C12orf42: variants seen among roughly 807,000 people sequenced by gnomAD.
C12orf42 encodes the protein uncharacterized protein C12orf42.
C12orf42 carries 25 observed loss-of-function variants against 21.6 expected under a neutral mutation model. That is an observed-to-expected ratio of 1.16 (90% CI 0.84 to 1.62). C12orf42 has a LOEUF of 1.62. C12orf42 is among the 40% of genes most tolerant of loss of function. C12orf42 has a pLI of 0.00. For missense variants in C12orf42, 483 were observed against 459.3 expected (o/e 1.05, Z -0.47); for synonymous variants, 174 against 175.0 (o/e 0.99, Z 0.05).
intron 10 of C12orf42, among the ~76,000 whole-genome samples, chr12:103,255,828 G>T (rs1194220300): frequency 6.6e-6 from 1 of 150,630 alleles, no homozygotes. Flanking sequence ...GAGGCGGGTG[G>T]ATCACGAGGT....
chr12:103,294,617 A>G (rs536944194), intron 4 of C12orf42, among the ~76,000 whole-genome samples: 8 of 145,546 alleles, frequency 5.5e-5, no homozygotes, highest in Non-Finnish European at 5.9e-5. Flanking sequence ...AGAAAGAAAG[A>G]AAGAAAGAAA....
At chr12:103,453,267 GTTATAT>G (rs1458818014) in intron 2 of C12orf42, among the ~76,000 whole-genome samples, 6 of 151,630 alleles carry the variant, frequency 4.0e-5, no homozygotes, top group Admixed American at 2.6e-4. Context: ...TTTATATAAA[GTTATAT>G]TTATATAAGA....
At chr12:103,185,991 G>T in the C12orf42 span, among the ~76,000 whole-genome samples, 1 of 152,198 alleles carries the variant, frequency 6.6e-6, no homozygotes, top group African/African-American at 2.4e-5. Context: ...CCTTCTATTT[G>T]GCCATCCTCA....
chr12:103,162,558 C>T, the C12orf42 span, among the ~76,000 whole-genome samples: 1 of 151,696 alleles, frequency 6.6e-6, no homozygotes, highest in Non-Finnish European at 1.5e-5. Context: ...TGTGTAACCA[C>T]ACATCTGTAC....
chr12:103,254,015 A>G (rs1443281548), intron 10 of C12orf42, among the ~76,000 whole-genome samples: 1 of 152,014 alleles, frequency 6.6e-6, no homozygotes, highest in Non-Finnish European at 1.5e-5. Context: ...CTTTTGTTGC[A>G]GTTGCTTTTG....
chr12:103,158,133 T>A, the C12orf42 span, among the ~76,000 whole-genome samples: 1 of 152,230 alleles, frequency 6.6e-6, no homozygotes, highest in Non-Finnish European at 1.5e-5. Flanking sequence ...ATGTTTATTA[T>A]ACATCACAAG....
At chr12:103,313,651 TA>T (rs2039180179) in intron 4 of C12orf42, among the ~76,000 whole-genome samples, 1 of 152,218 alleles carries the variant, frequency 6.6e-6, no homozygotes, top group African/African-American at 2.4e-5. Flanking sequence ...TTTAGAGCAG[TA>T]CCTGCCACAT....
At chr12:103,417,552 G>A (rs556415584) in intron 2 of C12orf42, among the ~76,000 whole-genome samples, 8 of 152,228 alleles carry the variant, frequency 5.3e-5, no homozygotes, top group Admixed American at 2.0e-4. Flanking sequence ...CCATGTGTAT[G>A]GCAGCATCCA....
At chr12:103,345,459 T>A (rs1241808505) in intron 4 of C12orf42, among the ~76,000 whole-genome samples, 2 of 152,154 alleles carry the variant, frequency 1.3e-5, no homozygotes, top group African/African-American at 2.4e-5. Context: ...TCCAGTGCCA[T>A]CCATTCACAG....
At chr12:103,216,168 A>G in the C12orf42 span, among the ~76,000 whole-genome samples, 7 of 152,174 alleles carry the variant, frequency 4.6e-5, no homozygotes, top group Non-Finnish European at 8.8e-5. Flanking sequence ...TCTCTCTAAT[A>G]TGAGCCTATG....
At chr12:103,177,363 A>G in the C12orf42 span, among the ~76,000 whole-genome samples, 2 of 152,210 alleles carry the variant, frequency 1.3e-5, no homozygotes, top group Admixed American at 1.3e-4. Flanking sequence ...GCCTTTGACC[A>G]AAAGTTACCC....
At chr12:103,104,821 A>T in the C12orf42 span, among the ~76,000 whole-genome samples, 3 of 152,216 alleles carry the variant, frequency 2.0e-5, no homozygotes, top group Non-Finnish European at 4.4e-5. Flanking sequence ...AGGCATCCAC[A>T]TAAGGTTCTA....
At chr12:103,486,805 T>C (rs1954863484) in intron 1 of C12orf42, among the ~76,000 whole-genome samples, 1 of 152,204 alleles carries the variant, frequency 6.6e-6, no homozygotes, top group African/African-American at 2.4e-5. Flanking sequence ...TCAGTGGTGA[T>C]ATCCCCTATA....
intron 4 of C12orf42, among the ~76,000 whole-genome samples, chr12:103,287,413 A>G (rs550943121): frequency 2.8e-4 from 42 of 152,052 alleles, no homozygotes; most frequent in African/African-American, 1.0e-3. Context: ...AGGGACATGG[A>G]TGAAGCTGGA....
At chr12:103,355,947 T>C (rs188508418) in intron 4 of C12orf42, among the ~76,000 whole-genome samples, 3 of 152,202 alleles carry the variant, frequency 2.0e-5, no homozygotes, top group African/African-American at 7.2e-5. Flanking sequence ...ACTTTAACTA[T>C]ATTGTGACAT....
At chr12:103,275,542 C>T (rs918560279) in intron 5 of C12orf42, among the ~76,000 whole-genome samples, 29 of 152,034 alleles carry the variant, frequency 1.9e-4, no homozygotes, top group Non-Finnish European at 3.4e-4. Context: ...ATAAATTGCT[C>T]TATAACACAG....
the C12orf42 span, among the ~76,000 whole-genome samples, chr12:103,215,237 C>G: frequency 6.6e-6 from 1 of 152,000 alleles, no homozygotes; most frequent in South Asian, 2.1e-4. Flanking sequence ...AATACTAACA[C>G]TAACTCTGAC....
the C12orf42 span, among the ~76,000 whole-genome samples, chr12:103,077,318 G>A: frequency 6.6e-6 from 1 of 151,938 alleles, no homozygotes; most frequent in Non-Finnish European, 1.5e-5. Flanking sequence ...TTAAAAATTG[G>A]AGATTATAAA....
the C12orf42 span, among the ~76,000 whole-genome samples, chr12:103,106,232 T>C: frequency 8.6e-5 from 13 of 151,698 alleles, no homozygotes; most frequent in Admixed American, 2.6e-4. Context: ...AGAATGTGAG[T>C]AAATAAAGAC....
Sources: allele counts gnomAD v4.1 joint callset (sites outside exome capture counted in the v4.1 genomes callset), GRCh38; gene constraint gnomAD v4.1.1; transcripts MANE v1.5; gene names NCBI Gene and HGNC (gene_info 2026-07-23, HGNC 2026-07-21).